Variants in TDRD7 observed in about 807,000 individuals in gnomAD.
The protein encoded by TDRD7 is tudor domain-containing protein 7.
TDRD7 carries 47 observed loss-of-function variants against 109.8 expected under a neutral mutation model. The ratio of observed to expected loss-of-function variants is 0.43; its 90% CI spans 0.34 to 0.55. The LOEUF is 0.55. Ranked by LOEUF, TDRD7 falls within the 20% of genes least tolerant of loss-of-function variation. The pLI, the probability that TDRD7 is intolerant of heterozygous loss-of-function variation, is 0.03. For synonymous variants in TDRD7, 424 were observed against 457.3 expected (o/e 0.93, Z 0.93); for missense variants, 1,164 against 1,319.2 (o/e 0.88, Z 1.82).
At chr9:97,413,369 T>G (rs112852453) in intron 1 of TDRD7, among the ~76,000 whole-genome samples, 2,688 of 152,330 alleles carry the variant, frequency 0.018, 74 homozygotes, top group African/African-American at 0.061. Context: ...AATTACATGC[T>G]TTCTCTTAGC....
intron 16 of TDRD7, among the ~76,000 whole-genome samples, chr9:97,491,557 G>A (rs1829309639): frequency 6.6e-6 from 1 of 152,154 alleles, no homozygotes; most frequent in Admixed American, 6.5e-5. Flanking sequence ...GGGGTGTGAG[G>A]GATGTTATGT....
chr9:97,427,880 A>G (rs1296663299), intron 1 of TDRD7, among the ~76,000 whole-genome samples: 3 of 152,172 alleles, frequency 2.0e-5, no homozygotes, highest in Non-Finnish European at 4.4e-5. Context: ...TCTTTCTAAA[A>G]TACAGAGCTG....
intron 1 of TDRD7, among the ~76,000 whole-genome samples, chr9:97,428,074 T>C (rs1289151842): frequency 1.3e-5 from 2 of 152,176 alleles, no homozygotes; most frequent in African/African-American, 4.8e-5. Flanking sequence ...GAACACACCA[T>C]GTGCTTCTCT....
At chr9:97,485,843 C>T (rs78137037) in intron 15 of TDRD7, among the ~76,000 whole-genome samples, 163 of 152,194 alleles carry the variant, frequency 1.1e-3, no homozygotes, top group Non-Finnish European at 1.9e-3. Flanking sequence ...CTATTTGGCC[C>T]CCAAAACTCA....
chr9:97,487,238 T>C lies in TDRD7; in HGVS notation c.2982T>C (p.Tyr994=). 2.5e-6 allele frequency: 4 copies of C among 1,614,048 alleles called. No homozygotes were observed. Among genetic ancestry groups the C allele is most frequent in the Non-Finnish European group, 2.5e-6 (3 of 1,179,940 alleles). ...TGGTATCTGTGTATGAGCTGGATTA[T>C]GGCAAACACGAATTAGTCAACATAA... ...NGLVSVYELD[Y]GKHELVNIRK... The change falls in exon 16 of 17, where the codon TAT becomes TAC. Residue 994 remains tyrosine (Y), a synonymous_variant. Transcript: ENST00000355295.
chr9:97,427,368 C>G (rs1355924059), intron 1 of TDRD7, among the ~76,000 whole-genome samples: 2 of 152,020 alleles, frequency 1.3e-5, no homozygotes, highest in Admixed American at 6.6e-5. Context: ...TCTCTAGTCC[C>G]TTTTTCTTAG....
At chr9:97,424,544 A>T (rs542548003) in intron 1 of TDRD7, among the ~76,000 whole-genome samples, 28 of 152,274 alleles carry the variant, frequency 1.8e-4, no homozygotes, top group African/African-American at 6.7e-4. Context: ...TATCTTTCTG[A>T]TGAATTAGCC....
chr9:97,453,426 GA>G (rs1391792054), intron 6 of TDRD7, among the ~76,000 whole-genome samples: 1 of 152,046 alleles, frequency 6.6e-6, no homozygotes, highest in African/African-American at 2.4e-5. Context: ...GGCTCCCATT[GA>G]AAAAAACCAT....
At chr9:97,495,551 C>T in intron 16 of TDRD7, 112 bp from the exon 17 acceptor site, 1 of 1,042,116 alleles carries the variant, frequency 9.6e-7, no homozygotes, top group Non-Finnish European at 1.5e-6. Context: ...CAAGTCTAAC[C>T]TGGGATGCTT....
chr9:97,492,488 A>C (rs1375873489), intron 16 of TDRD7, among the ~76,000 whole-genome samples: 1 of 152,232 alleles, frequency 6.6e-6, no homozygotes, highest in African/African-American at 2.4e-5. Flanking sequence ...CTGAGATTCA[A>C]GTCATTTAAC....
chr9:97,472,899 T>C (rs996828540), intron 10 of TDRD7, among the ~76,000 whole-genome samples: 1 of 152,058 alleles, frequency 6.6e-6, no homozygotes, highest in Admixed American at 6.5e-5. Flanking sequence ...CCCAAGAGAA[T>C]AGGATGAGAT....
chr9:97,446,096 C>T (rs1379560910), intron 6 of TDRD7, among the ~76,000 whole-genome samples: 3 of 152,332 alleles, frequency 2.0e-5, no homozygotes, highest in Middle Eastern at 3.4e-3. Flanking sequence ...CACCACTGCA[C>T]TCCAGCCTGG....
chr9:97,471,020 G>A (rs1330932408), intron 9 of TDRD7, among the ~76,000 whole-genome samples: 2 of 152,098 alleles, frequency 1.3e-5, no homozygotes, highest in Admixed American at 6.6e-5. Flanking sequence ...GTGACTCTCA[G>A]CCCCTTTCCC....
intron 6 of TDRD7, among the ~76,000 whole-genome samples, chr9:97,442,177 AAAC>A (rs1462390213): frequency 6.6e-6 from 1 of 152,132 alleles, no homozygotes; most frequent in African/African-American, 2.4e-5. Context: ...TGTTACCAGT[AAAC>A]ACTGATAGCT....
intron 10 of TDRD7, among the ~76,000 whole-genome samples, chr9:97,473,163 A>G (rs1462024521): frequency 6.6e-6 from 1 of 152,186 alleles, no homozygotes. Context: ...AACATGGTTT[A>G]TGTAATTCTT....
chr9:97,479,155 G>A (rs974619087), intron 13 of TDRD7, among the ~76,000 whole-genome samples: 2 of 152,006 alleles, frequency 1.3e-5, no homozygotes, highest in Non-Finnish European at 2.9e-5. Context: ...AAACAATGCG[G>A]TATTCTACAA....
intron 1 of TDRD7, among the ~76,000 whole-genome samples, chr9:97,417,071 G>A (rs1827823523): frequency 6.6e-6 from 1 of 152,148 alleles, no homozygotes; most frequent in Non-Finnish European, 1.5e-5. Flanking sequence ...ACGTACTTTA[G>A]CTGAAGGAGG....
At chr9:97,483,514 T>C (rs1007181188) in intron 15 of TDRD7, among the ~76,000 whole-genome samples, 163 bp downstream of exon 15, 1 of 152,208 alleles carries the variant, frequency 6.6e-6, no homozygotes, top group East Asian at 1.9e-4. Context: ...TAAAATGATG[T>C]CACTTATCAA....
chr9:97,431,954 AG>A, intron 3 of TDRD7, 70 bp from the exon 4 acceptor site: 1 of 1,349,028 alleles, frequency 7.4e-7, no homozygotes, highest in Non-Finnish European at 1.1e-6. Context: ...ACATCTGGTC[AG>A]GGGAGTGTCA....
Sources: allele counts gnomAD v4.1 joint callset (sites outside exome capture counted in the v4.1 genomes callset), GRCh38; gene constraint gnomAD v4.1.1; transcripts MANE v1.5; gene names NCBI Gene and HGNC (gene_info 2026-07-23, HGNC 2026-07-21).